ZDHHC11: variants seen among roughly 807,000 people sequenced by gnomAD.
ZDHHC11 encodes zDHHC palmitoyltransferase 11.
Under a neutral mutation model 51.3 loss-of-function variants are expected in ZDHHC11, and 44 were observed. The ratio of observed to expected loss-of-function variants is 0.86; its 90% CI spans 0.67 to 1.10. ZDHHC11 has a LOEUF of 1.10. Among genes scored for constraint, ZDHHC11 ranks in the 50% least tolerant of loss-of-function variants. The probability of loss-of-function intolerance (pLI) is 0.00; values close to 1 mark genes in which losing one functional copy is unlikely to be tolerated. For missense variants in ZDHHC11, 400 were observed against 537.7 expected (o/e 0.74, Z 2.53); for synonymous variants, 163 against 222.0 (o/e 0.73, Z 2.36).
At chr5:860,407 A>G (rs1007001307), upstream of ZDHHC11, among the ~76,000 whole-genome samples, 1 of 152,192 alleles carries the variant, frequency 6.6e-6, no homozygotes, top group African/African-American at 2.4e-5. The surrounding 1 kb of genome is among the most constrained non-coding windows in gnomAD (Gnocchi z 4.2). Context: ...TCTGCAGTTA[A>G]CGTCCTGACA....
intron 12 of ZDHHC11, among the ~76,000 whole-genome samples, chr5:798,130 C>A (rs1291157443): frequency 6.7e-6 from 1 of 149,580 alleles, no homozygotes; most frequent in Non-Finnish European, 1.5e-5. Flanking sequence ...ATGAGGGTAC[C>A]GCCCTCTGGG....
intron 1 of ZDHHC11, among the ~76,000 whole-genome samples, chr5:857,460 C>G (rs889125656): frequency 4.6e-5 from 7 of 152,230 alleles, no homozygotes; most frequent in Non-Finnish European, 1.0e-4. Flanking sequence ...TTTCCTGTTT[C>G]CATCTGTGTA....
chr5:813,533 C>T (rs1478551878), intron 11 of ZDHHC11, among the ~76,000 whole-genome samples: 9 of 143,912 alleles, frequency 6.3e-5, no homozygotes, highest in East Asian at 2.0e-4. Context: ...CTTCCCAGCA[C>T]GAGCAGCCTC....
intron 10 of ZDHHC11, 74 bp downstream of exon 10, chr5:819,451 G>T: frequency 6.6e-7 from 1 of 1,511,598 alleles, no homozygotes; most frequent in Non-Finnish European, 9.2e-7. Context: ...CTTAACCTCA[G>T]CTTGGGGGAC....
At chr5:837,127 A>G (rs12653549) in intron 6 of ZDHHC11, among the ~76,000 whole-genome samples, 22,879 of 141,086 alleles carry the variant, frequency 0.16, 427 homozygotes, top group African/African-American at 0.35. Context: ...TGTCCAGGAG[A>G]CTCAGTTCCT....
chr5:837,103 G>A (rs12659395), intron 6 of ZDHHC11, among the ~76,000 whole-genome samples: 24,668 of 143,604 alleles, frequency 0.17, 623 homozygotes, highest in African/African-American at 0.36. Flanking sequence ...AAGATGTATC[G>A]TGCAGTATAG....
intron 1 of ZDHHC11, 162 bp downstream of exon 1, chr5:850,219 G>A (rs1455241375): frequency 5.9e-5 from 45 of 768,398 alleles, no homozygotes; most frequent in Non-Finnish European, 9.3e-5. Flanking sequence ...CACAGAGCAT[G>A]AGTGGCCACT....
chr5:820,730 G>A (rs958938116), intron 9 of ZDHHC11, among the ~76,000 whole-genome samples: 2 of 151,416 alleles, frequency 1.3e-5, no homozygotes, highest in Non-Finnish European at 3.0e-5. Context: ...ATGTGTCTAG[G>A]AACTGGACAA....
intron 6 of ZDHHC11, among the ~76,000 whole-genome samples, chr5:837,107 A>C (rs1458747246): frequency 1.3e-5 from 2 of 152,166 alleles, no homozygotes; most frequent in African/African-American, 4.8e-5. Context: ...TGTATCGTGC[A>C]GTATAGAAAT....
intron 11 of ZDHHC11, among the ~76,000 whole-genome samples, chr5:803,967 AG>A (rs1157260145): frequency 8.0e-5 from 12 of 149,290 alleles, no homozygotes; most frequent in African/African-American, 2.7e-4. Flanking sequence ...AAAAAAAAAA[AG>A]ATTAAGGAAG....
chr5:824,802 C>A (rs1222750172), intron 8 of ZDHHC11, among the ~76,000 whole-genome samples: 1 of 151,392 alleles, frequency 6.6e-6, no homozygotes, highest in Non-Finnish European at 1.5e-5. Flanking sequence ...ATGGCTTCTG[C>A]CATGGCTACC....
intron 10 of ZDHHC11, among the ~76,000 whole-genome samples, chr5:818,720 G>A (rs1258239265): frequency 6.6e-6 from 1 of 151,514 alleles, no homozygotes; most frequent in Non-Finnish European, 1.5e-5. Context: ...AATTGGCTGG[G>A]TGTGGTGGCA....
chr5:821,801 G>C, intron 9 of ZDHHC11, 60 bp downstream of exon 9: 1 of 1,454,090 alleles, frequency 6.9e-7, no homozygotes, highest in South Asian at 1.2e-5. Flanking sequence ...TTCGAGATGA[G>C]ACGAGTGTAT....
intron 10 of ZDHHC11, 95 bp from the exon 11 acceptor site, chr5:814,890 C>T: frequency 2.4e-6 from 3 of 1,230,802 alleles, no homozygotes; most frequent in Non-Finnish European, 3.3e-6. Context: ...CTAGTCAGTT[C>T]TGAGTAATGG....
At chr5:846,758 C>T (rs1746260776) in intron 3 of ZDHHC11, among the ~76,000 whole-genome samples, 1 of 148,766 alleles carries the variant, frequency 6.7e-6, no homozygotes, top group African/African-American at 2.5e-5. Context: ...TGAGCCTCCA[C>T]CGTGCTCAGG....
intron 11 of ZDHHC11, among the ~76,000 whole-genome samples, chr5:810,411 A>G (rs1284805218): frequency 6.6e-6 from 1 of 151,474 alleles, no homozygotes; most frequent in Non-Finnish European, 1.5e-5. Flanking sequence ...GCAGACCAGA[A>G]TATCCCCCAT....
chr5:816,351 G>GGCA, intron 10 of ZDHHC11: 2 of 358,166 alleles, frequency 5.6e-6, no homozygotes, highest in Non-Finnish European at 1.1e-5. Flanking sequence ...GACAGATGGC[G>GGCA]GCAGCAGCTG....
intron 10 of ZDHHC11, among the ~76,000 whole-genome samples, chr5:815,059 G>A (rs1364979284): frequency 1.3e-5 from 2 of 151,348 alleles, no homozygotes; most frequent in Admixed American, 1.3e-4. Flanking sequence ...TGTGGAGACA[G>A]GGTCTTGAAA....
At chr5:850,120 C>T (rs761718648) in intron 1 of ZDHHC11, among the ~76,000 whole-genome samples, 16 of 152,260 alleles carry the variant, frequency 1.1e-4, no homozygotes, top group Non-Finnish European at 1.9e-4. Context: ...TCCTGCGCCA[C>T]GCCAGGGGGC....
Sources: allele counts gnomAD v4.1 joint callset (sites outside exome capture counted in the v4.1 genomes callset), GRCh38; gene constraint gnomAD v4.1.1; non-coding constraint Gnocchi (gnomAD v3.1); transcripts MANE v1.5; gene names NCBI Gene and HGNC (gene_info 2026-07-23, HGNC 2026-07-21).